The following GRIK4 variants were observed in gnomAD, a reference collection of about 807,000 sequenced individuals.
The protein encoded by GRIK4 is glutamate ionotropic receptor kainate type subunit 4.
In GRIK4, 40 loss-of-function variants were observed where a neutral mutation model predicts 104.9. The ratio of observed to expected loss-of-function variants is 0.38; its 90% CI spans 0.30 to 0.50. GRIK4 has a LOEUF of 0.50. GRIK4 is among the 20% of genes least tolerant of loss of function. GRIK4 has a pLI of 0.93. For synonymous variants in GRIK4, 485 were observed against 524.9 expected, an observed-to-expected ratio of 0.92 and a Z score of 1.04; for missense variants, 1,047 against 1,308.1, an observed-to-expected ratio of 0.80 and a Z score of 3.08.
intron 3 of GRIK4, among the ~76,000 whole-genome samples, chr11:120,690,247 T>TA (rs1172041294): frequency 6.6e-6 from 1 of 152,156 alleles, no homozygotes; most frequent in Non-Finnish European, 1.5e-5. Flanking sequence ...AAGTGCTGAA[T>TA]AAAAAATGCT....
chr11:120,885,820 G>A (rs900767314), intron 11 of GRIK4, among the ~76,000 whole-genome samples: 6 of 152,210 alleles, frequency 3.9e-5, no homozygotes, highest in African/African-American at 1.4e-4. Flanking sequence ...GTTCATACAA[G>A]CATCATACAG....
intron 1 of GRIK4, among the ~76,000 whole-genome samples, chr11:120,645,914 A>T (rs1258839478): frequency 6.6e-6 from 1 of 152,218 alleles, no homozygotes; most frequent in East Asian, 1.9e-4. Flanking sequence ...TGAGCACAGC[A>T]GGTGGGCCTT....
At chr11:120,909,243 G>T (rs1592068757) in intron 13 of GRIK4, among the ~76,000 whole-genome samples, 1 of 152,216 alleles carries the variant, frequency 6.6e-6, no homozygotes, top group South Asian at 2.1e-4. Flanking sequence ...AACAATGTGG[G>T]GAAATCCTCA....
intron 6 of GRIK4, among the ~76,000 whole-genome samples, chr11:120,824,668 G>C (rs1182063413): frequency 6.8e-6 from 1 of 147,298 alleles, no homozygotes; most frequent in Non-Finnish European, 1.5e-5. Flanking sequence ...TTCTGCCTCA[G>C]TCTCCCAAGT....
At chr11:120,665,298 T>G (rs11217946) in intron 3 of GRIK4, among the ~76,000 whole-genome samples, 3,135 of 152,286 alleles carry the variant, frequency 0.021, 49 homozygotes, top group Middle Eastern at 0.044. Context: ...ATGATTTGAT[T>G]TATGAAATTT....
chr11:120,907,124 C>T (rs1373548894), intron 13 of GRIK4, among the ~76,000 whole-genome samples: 1 of 152,228 alleles, frequency 6.6e-6, no homozygotes, highest in African/African-American at 2.4e-5. Context: ...CTTTCAGACC[C>T]ACTCCTGAAA....
chr11:120,936,445 A>G (rs1248930612), intron 13 of GRIK4: 6 of 224,854 alleles, frequency 2.7e-5, no homozygotes, highest in South Asian at 6.3e-5. Flanking sequence ...TTTCTCTTTC[A>G]TAACAGGTCT....
intron 1 of GRIK4, among the ~76,000 whole-genome samples, chr11:120,630,668 GT>G (rs1228022794): frequency 4.6e-5 from 7 of 152,222 alleles, no homozygotes; most frequent in African/African-American, 1.7e-4. Context: ...AATCCATATT[GT>G]TTTGAGCACA....
intron 3 of GRIK4, among the ~76,000 whole-genome samples, chr11:120,766,015 A>G (rs1271666409): frequency 6.6e-6 from 1 of 152,238 alleles, no homozygotes; most frequent in African/African-American, 2.4e-5. Context: ...CAGAGCTGGC[A>G]GGCAGGAATG....
rs996436283 is a variant in GRIK4, at chr11:120,549,502, G to A, written c.-159+37615G>A. ...AACAAACAAGGAGTGAGCCCTTCAC[G>A]GGGGGCTGCAGTGGCACCTGTGTGC... is the stretch of plus-strand genomic sequence containing the variant. On this transcript the variant is annotated intron_variant, in intron 1 of 20. Transcript: ENST00000527524. The surrounding 1 kb of genome is among the most constrained non-coding windows in gnomAD (Gnocchi z 4.7). 2.0e-5 allele frequency among the ~76,000 whole-genome samples: 3 copies of A among 152,208 alleles called. No homozygotes were observed. Among genetic ancestry groups the A allele is most frequent in the Non-Finnish European group, 4.4e-5 (3 of 68,028 alleles).
chr11:120,627,342 A>G (rs7924856), intron 1 of GRIK4, among the ~76,000 whole-genome samples: 96,833 of 152,176 alleles, frequency 0.64, 31,052 homozygotes, highest in African/African-American at 0.66. Flanking sequence ...CACACAGCGC[A>G]GTGCAAGGAG....
Position 120,905,300 on chromosome 11 carries a change from A to G in GRIK4, c.1283A>G (p.Tyr428Cys), listed in dbSNP as rs1261833775. 6.2e-7 allele frequency: 1 copy of G among 1,612,418 alleles called. No individual in the cohort carries two copies. Among genetic ancestry groups the G allele is most frequent in the African/African-American group, 1.3e-5 (1 of 74,882 alleles). ...CCAGTTTTGCTGCAGGAGAACCCAT[A>G]TTTAATGCTGAAGGGGAACCACCAG... ...LVVTTILENP[Y>C]LMLKGNHQEM... The change falls in exon 13 of 21, where the codon TAT becomes TGT. Residue 428 changes from tyrosine (Y) to cysteine (C), a missense_variant. Around this residue, in one of 3 missense-constraint regions of GRIK4, gnomAD observed 440 missense variants for 652.3 expected, o/e 0.67. Coordinates refer to ENST00000527524, the MANE Select transcript of GRIK4 (RefSeq NM_014619.5). The surrounding 1 kb of genome is among the most constrained non-coding windows in gnomAD (Gnocchi z 5.1).
chr11:120,617,102 A>T (rs920923932), intron 1 of GRIK4, among the ~76,000 whole-genome samples: 38 of 152,204 alleles, frequency 2.5e-4, no homozygotes, highest in African/African-American at 9.2e-4. Flanking sequence ...ACGTGTAAGT[A>T]GTGATGTGTG....
At chr11:120,804,898 G>A (rs1591935291) in intron 4 of GRIK4, among the ~76,000 whole-genome samples, 1 of 152,172 alleles carries the variant, frequency 6.6e-6, no homozygotes, top group Non-Finnish European at 1.5e-5. Context: ...CTATGACTGA[G>A]GGAGGGCCAT....
At chr11:120,924,944 G>A (rs1343618484) in intron 13 of GRIK4, among the ~76,000 whole-genome samples, 2 of 152,180 alleles carry the variant, frequency 1.3e-5, no homozygotes, top group Non-Finnish European at 2.9e-5. Context: ...GTTTCAACGT[G>A]TGCACATACT....
chr11:120,829,605 G>A (rs948249559), intron 6 of GRIK4, among the ~76,000 whole-genome samples: 7 of 152,168 alleles, frequency 4.6e-5, no homozygotes, highest in African/African-American at 7.2e-5. Context: ...CTGCCTCACC[G>A]CGCCTGCCCT....
chr11:120,773,537 G>A (rs979659239), intron 3 of GRIK4, among the ~76,000 whole-genome samples: 1 of 152,244 alleles, frequency 6.6e-6, no homozygotes, highest in Non-Finnish European at 1.5e-5. Flanking sequence ...GCAGCCTGGA[G>A]TGGGGAAGTG....
intron 3 of GRIK4, among the ~76,000 whole-genome samples, chr11:120,692,256 T>C (rs1950378121): frequency 6.6e-6 from 1 of 152,190 alleles, no homozygotes; most frequent in African/African-American, 2.4e-5. Flanking sequence ...GCTCCAACCC[T>C]CCAGGGCATA....
intron 1 of GRIK4, among the ~76,000 whole-genome samples, chr11:120,652,035 G>A (rs1180582087): frequency 6.6e-6 from 1 of 152,154 alleles, no homozygotes; most frequent in Non-Finnish European, 1.5e-5. Context: ...CCATTTCCCC[G>A]CTGAGTGACC....
Sources: gnomAD v4.1 joint callset for allele counts (sites outside exome capture counted in the v4.1 genomes callset) on GRCh38, gnomAD v4.1.1 for gene constraint, gnomAD v4.1.1 regional missense constraint, Gnocchi (gnomAD v3.1) non-coding constraint, MANE v1.5 for transcripts, NCBI Gene and HGNC (gene_info 2026-07-23, HGNC 2026-07-21) for gene names.